The following ATP8B4 variants were observed in gnomAD, a reference collection of about 807,000 sequenced individuals.
ATP8B4 encodes ATPase phospholipid transporting 8B4 (putative), also known as probable phospholipid-transporting ATPase IM.
ATP8B4 carries 133 observed loss-of-function variants against 145.6 expected under a neutral mutation model. That is an observed-to-expected ratio of 0.91 (90% CI 0.79 to 1.05). The LOEUF (loss-of-function observed/expected upper bound fraction) is 1.05. ATP8B4 is among the 50% of genes least tolerant of loss of function. The pLI, the probability that ATP8B4 is intolerant of heterozygous loss-of-function variation, is 0.00. For synonymous variants in ATP8B4, 507 were observed against 492.9 expected, an observed-to-expected ratio of 1.03 and a Z score of -0.38; for missense variants, 1,458 against 1,425.2, an observed-to-expected ratio of 1.02 and a Z score of -0.37.
intron 2 of ATP8B4, among the ~76,000 whole-genome samples, chr15:50,093,177 C>T (rs2055722657): frequency 6.6e-6 from 1 of 151,174 alleles, no homozygotes; most frequent in Non-Finnish European, 1.5e-5. Context: ...GAATTCATTA[C>T]CAGCATTCCC....
Position 50,038,823 on chromosome 15 carries a change from G to A in ATP8B4, c.307C>T (p.His103Tyr). Reference sequence around the variant, plus strand: ...TTATTCACTTGATTATCACTCTTGTGGCGAAACTGAAAAATCAAAGTGTTT... The same window carrying A: ...TTATTCACTTGATTATCACTCTTGTAGCGAAACTGAAAAATCAAAGTGTTT... ...VKDATDDYFR[H>Y]KSDNQVNNRQ... Residue 103 changes from histidine to tyrosine, a missense_variant, in exon 6 of 28, where the codon CAC becomes TAC. Physicochemically the swap from His to Tyr is moderately conservative, Grantham distance 83 (BLOSUM62 2). Transcript: ENST00000284509. 1 of 1,613,392 alleles carries A rather than the reference G, an allele frequency of 6.2e-7. No individual in the cohort carries two copies. Among genetic ancestry groups the A allele is most frequent in the Middle Eastern group, 1.7e-4 (1 of 6,054 alleles).
intron 6 of ATP8B4, among the ~76,000 whole-genome samples, chr15:50,032,900 T>C (rs1223163249): frequency 1.3e-5 from 2 of 152,216 alleles, no homozygotes; most frequent in East Asian, 1.9e-4. Context: ...CCACTTTTTC[T>C]TGTTTTCCAA....
intron 13 of ATP8B4, among the ~76,000 whole-genome samples, chr15:49,963,306 T>G (rs963274042): frequency 6.6e-6 from 1 of 152,122 alleles, no homozygotes; most frequent in Non-Finnish European, 1.5e-5. Flanking sequence ...AAAGAAACTC[T>G]TACAGTGGGA....
chr15:49,897,322 C>T lies in ATP8B4; in HGVS notation c.2667G>A (p.Trp889Ter), dbSNP rs774182392. 2 of 1,611,320 alleles carry T rather than the reference C, an allele frequency of 1.2e-6. No homozygotes were observed. Among genetic ancestry groups the T allele is most frequent in the East Asian group, 2.2e-5 (1 of 44,878 alleles). ...CTGAGAAACCACAGAAGAAACCAAA[C>T]CAGAAATGCACAAGTGTAAATGCAA... The part of the protein sequence containing the change: ...KNFAFTLVHF[W>*]FGFFCGFSAQ... Residue 889 changes from tryptophan to a stop codon, truncating the protein, a stop_gained, in exon 23 of 28, where the codon TGG becomes TGA. Coordinates refer to ENST00000284509, the MANE Select transcript of ATP8B4 (RefSeq NM_024837.4). LOFTEE classifies it high-confidence loss of function.
chr15:50,075,617 G>C (rs1459282202), intron 2 of ATP8B4, among the ~76,000 whole-genome samples: 1 of 152,094 alleles, frequency 6.6e-6, no homozygotes, highest in Non-Finnish European at 1.5e-5. Flanking sequence ...AACAATATTG[G>C]ACTGGTGTCA....
In ATP8B4 at chr15:50,101,708, C is replaced by T. The variant is rs548048611; in HGVS notation, c.28+5231G>A. On this transcript the variant is annotated intron_variant, in intron 2 of 27. Transcript: ENST00000284509. Reference sequence around the variant, plus strand: ...TCAAGACAGAAAGTCAACAAGGAAACGATGAACTTAAACTATACCCTAAAA... The same window carrying T: ...TCAAGACAGAAAGTCAACAAGGAAATGATGAACTTAAACTATACCCTAAAA... Among the ~76,000 whole-genome samples the T allele has an allele frequency of 1.1e-4, 16 of 152,134 alleles. No homozygotes were observed. In the East Asian group the frequency reaches 2.3e-3, roughly 22 times the overall value.
chr15:49,931,790 G>C (rs1308079159), intron 15 of ATP8B4, among the ~76,000 whole-genome samples: 2 of 151,962 alleles, frequency 1.3e-5, no homozygotes, highest in Non-Finnish European at 2.9e-5. Flanking sequence ...CACAGCTAAA[G>C]AGTGATGGAG....
rs1403902827 is a variant in ATP8B4 at position 50,106,938 on chromosome 15, C to T, written c.28+1G>A. 3 of 1,596,906 alleles carry T rather than the reference C, an allele frequency of 1.9e-6. No homozygotes were observed. Among genetic ancestry groups the T allele is most frequent in the Non-Finnish European group, 8.5e-7 (1 of 1,173,556 alleles). On this transcript the variant is annotated splice_donor_variant, in intron 2 of 27. Coordinates refer to ENST00000284509, the MANE Select transcript of ATP8B4 (RefSeq NM_024837.4). LOFTEE classifies it high-confidence loss of function. Reference sequence around the variant, plus strand: ...CATCATTGGAAGAACTCAAAACTTACCACGCAATTTCTTTTCACTGCAGAA... The same window carrying T: ...CATCATTGGAAGAACTCAAAACTTATCACGCAATTTCTTTTCACTGCAGAA...
chr15:49,953,622 G>A (rs561370689), intron 14 of ATP8B4, among the ~76,000 whole-genome samples: 31 of 152,314 alleles, frequency 2.0e-4, no homozygotes, highest in Non-Finnish European at 3.2e-4. Flanking sequence ...CCCCACCCAA[G>A]GAGCTTAGCA....
chr15:49,970,933 A>C (rs12909968), intron 13 of ATP8B4, among the ~76,000 whole-genome samples: 3 of 151,924 alleles, frequency 2.0e-5, no homozygotes, highest in African/African-American at 7.3e-5. Flanking sequence ...ATATAGACCA[A>C]CTGAACAGAA....
intron 2 of ATP8B4, among the ~76,000 whole-genome samples, chr15:50,075,178 T>G (rs970035781): frequency 2.6e-5 from 4 of 151,550 alleles, no homozygotes; most frequent in Non-Finnish European, 5.9e-5. Flanking sequence ...TGGTGGAAAG[T>G]AACTTGGAGA....
chr15:49,890,424 G>A (rs943319391), intron 23 of ATP8B4, among the ~76,000 whole-genome samples: 3 of 152,170 alleles, frequency 2.0e-5, no homozygotes, highest in African/African-American at 7.2e-5. Flanking sequence ...GGAGAGGGGT[G>A]GCAGGGAGTG....
intron 1 of ATP8B4, among the ~76,000 whole-genome samples, chr15:50,177,805 C>G (rs2044785581): frequency 6.6e-6 from 1 of 152,164 alleles, no homozygotes; most frequent in Admixed American, 6.5e-5. Flanking sequence ...GCTTAATAAA[C>G]TATATTTTAG....
intron 3 of ATP8B4, among the ~76,000 whole-genome samples, chr15:50,071,088 G>A (rs2053703277): frequency 6.6e-6 from 1 of 152,152 alleles, no homozygotes; most frequent in African/African-American, 2.4e-5. Flanking sequence ...TGTTCAATCT[G>A]CTGTAGCCAC....
chr15:49,941,491 C>A (rs1204694264), intron 14 of ATP8B4, among the ~76,000 whole-genome samples: 1 of 152,094 alleles, frequency 6.6e-6, no homozygotes, highest in South Asian at 2.1e-4. Context: ...CCAAAATGAA[C>A]CTTCTGCAAT....
At chr15:49,884,613 G>GAAAAA (rs60012082) in intron 23 of ATP8B4, among the ~76,000 whole-genome samples, 2 of 117,660 alleles carry the variant, frequency 1.7e-5, no homozygotes, top group Non-Finnish European at 3.4e-5. Context: ...CAAAAAAAAA[G>GAAAAA]AAAAAAAAAA....
At chr15:49,893,747 C>G (rs772538828) in intron 23 of ATP8B4, among the ~76,000 whole-genome samples, 2 of 152,170 alleles carry the variant, frequency 1.3e-5, no homozygotes, top group Non-Finnish European at 2.9e-5. Context: ...ATAGTTAGCA[C>G]TACCGAACTC....
chr15:50,162,891 A>G (rs1385050117), intron 1 of ATP8B4, among the ~76,000 whole-genome samples: 1 of 152,128 alleles, frequency 6.6e-6, no homozygotes, highest in Admixed American at 6.5e-5. Flanking sequence ...TGCTTGATCA[A>G]GTCTGCTGTT....
In ATP8B4 at chr15:49,876,396, A is replaced by T; in HGVS notation, c.2909T>A (p.Phe970Tyr). The change falls in exon 25 of 28, where the codon TTC (phenylalanine) becomes TAC (tyrosine). Residue 970 changes from phenylalanine (F) to tyrosine (Y), a missense_variant. Transcript: ENST00000284509. ...LHGIYTSLVL[F>Y]FIPYGAFYNV... The stretch of plus-strand genomic sequence containing the variant: ...GTAAAAGGCCCCATAGGGGATGAAG[A>T]AAAGGACTAATGAGGTGTAGATTCC... 1 of 1,614,132 alleles carries T rather than the reference A, an allele frequency of 6.2e-7. No individual in the cohort carries two copies. The highest frequency in any genetic ancestry group is 8.5e-7 in the Non-Finnish European group (1 of 1,179,992).
Sources: allele counts gnomAD v4.1 joint callset (sites outside exome capture counted in the v4.1 genomes callset), GRCh38; gene constraint gnomAD v4.1.1; transcripts MANE v1.5; gene names NCBI Gene and HGNC (gene_info 2026-07-23, HGNC 2026-07-21).